CDH18: variants seen among roughly 807,000 people sequenced by gnomAD.
CDH18 encodes cadherin 18.
In CDH18, 31 loss-of-function variants were observed where a neutral mutation model predicts 67.9. That is an observed-to-expected ratio of 0.46 (90% CI 0.34 to 0.62). The LOEUF (loss-of-function observed/expected upper bound fraction) is 0.62, where lower values mean the gene tolerates loss of function less well. CDH18 is among the 20% of genes least tolerant of loss of function. The pLI, the probability that CDH18 is intolerant of heterozygous loss-of-function variation, is 0.01. For synonymous variants in CDH18, 362 were observed against 347.2 expected (o/e 1.04, Z -0.48); for missense variants, 890 against 975.5 (o/e 0.91, Z 1.17).
chr5:19,724,847 C>T (rs573141478), intron 4 of CDH18, among the ~76,000 whole-genome samples: 3 of 151,948 alleles, frequency 2.0e-5, no homozygotes, highest in Admixed American at 2.0e-4. Flanking sequence ...GTTCCCACCA[C>T]AAACTGTCCT....
intron 2 of CDH18, among the ~76,000 whole-genome samples, chr5:20,025,677 G>A (rs1426778431): frequency 6.6e-6 from 1 of 152,104 alleles, no homozygotes; most frequent in Non-Finnish European, 1.5e-5. Flanking sequence ...ATAACATCTG[G>A]CAAAAGCCCA....
At chr5:20,168,867 C>T (rs748598068) in intron 2 of CDH18, among the ~76,000 whole-genome samples, 16 of 152,104 alleles carry the variant, frequency 1.1e-4, no homozygotes, top group African/African-American at 2.4e-4. Context: ...GAGATGATTA[C>T]GGTAAATGAA....
chr5:20,341,215 A>G (rs893075914), intron 1 of CDH18, among the ~76,000 whole-genome samples: 2 of 152,118 alleles, frequency 1.3e-5, no homozygotes, highest in African/African-American at 4.8e-5. Context: ...GTTGATTAAC[A>G]TTTGAGTCAG....
At chr5:20,328,985 A>T (rs182259575) in intron 1 of CDH18, among the ~76,000 whole-genome samples, 3 of 152,190 alleles carry the variant, frequency 2.0e-5, no homozygotes, top group Admixed American at 6.5e-5. Context: ...CATCTCAGAA[A>T]TAAAACCCCC....
At chr5:20,427,979 C>A (rs1435792902) in intron 1 of CDH18, among the ~76,000 whole-genome samples, 3 of 150,886 alleles carry the variant, frequency 2.0e-5, no homozygotes, top group Non-Finnish European at 4.4e-5. Flanking sequence ...GCAGAACGTG[C>A]AGGTTTGTTA....
At chr5:19,785,683 T>A (rs1326830624) in intron 3 of CDH18, among the ~76,000 whole-genome samples, 1,654 of 17,462 alleles carry the variant, frequency 0.095, 47 homozygotes, top group Middle Eastern at 0.17. Context: ...AAAAAAAATA[T>A]ATATATATAT....
chr5:19,877,662 A>G (rs1787179906), intron 2 of CDH18, among the ~76,000 whole-genome samples: 1 of 152,164 alleles, frequency 6.6e-6, no homozygotes, highest in African/African-American at 2.4e-5. Flanking sequence ...GGAACATTAC[A>G]GCTTGGAAGT....
chr5:20,078,717 C>T (rs1337608645), intron 2 of CDH18, among the ~76,000 whole-genome samples: 1 of 151,738 alleles, frequency 6.6e-6, no homozygotes, highest in Admixed American at 6.6e-5. Flanking sequence ...ATTTTCCTGC[C>T]TCAGCCTCTC....
chr5:20,090,732 A>G (rs1390048187), intron 2 of CDH18, among the ~76,000 whole-genome samples: 3 of 151,910 alleles, frequency 2.0e-5, no homozygotes, highest in Admixed American at 6.6e-5. Context: ...AAAGAAAAGA[A>G]AAAAAAAGAA....
intron 5 of CDH18, among the ~76,000 whole-genome samples, chr5:19,629,179 G>A (rs567500839): frequency 2.0e-5 from 3 of 152,300 alleles, no homozygotes; most frequent in African/African-American, 7.2e-5. Flanking sequence ...AGTAGAGGAT[G>A]AGGAAAAGGG....
At chr5:20,257,435 A>C (rs556884263) in intron 1 of CDH18, among the ~76,000 whole-genome samples, 1 of 151,604 alleles carries the variant, frequency 6.6e-6, no homozygotes, top group Non-Finnish European at 1.5e-5. Context: ...GCTCTTTGGA[A>C]ATAAGGCAAA....
intron 2 of CDH18, among the ~76,000 whole-genome samples, chr5:20,094,029 A>T (rs1216642125): frequency 6.6e-6 from 1 of 152,314 alleles, no homozygotes; most frequent in South Asian, 2.1e-4. Flanking sequence ...CAAGAAAACA[A>T]AAATTCAGGA....
At chr5:20,085,341 G>A (rs564096993) in intron 2 of CDH18, among the ~76,000 whole-genome samples, 1 of 152,154 alleles carries the variant, frequency 6.6e-6, no homozygotes, top group East Asian at 1.9e-4. Flanking sequence ...CCTCAGCCTG[G>A]ACCTTATTGT....
chr5:19,938,993 C>T (rs1488454361), intron 2 of CDH18, among the ~76,000 whole-genome samples: 3 of 150,650 alleles, frequency 2.0e-5, no homozygotes, highest in Non-Finnish European at 4.5e-5. Context: ...TTAATTTAAA[C>T]TTCTAAGAAG....
intron 5 of CDH18, among the ~76,000 whole-genome samples, chr5:19,703,353 T>A (rs1168818057): frequency 6.6e-6 from 1 of 152,080 alleles, no homozygotes; most frequent in African/African-American, 2.4e-5. Flanking sequence ...AATGTGCAAG[T>A]GTGGGCTCTG....
At chr5:20,316,491 T>C (rs979961137) in intron 1 of CDH18, among the ~76,000 whole-genome samples, 4 of 152,090 alleles carry the variant, frequency 2.6e-5, no homozygotes, top group African/African-American at 9.7e-5. Context: ...ATACACATAA[T>C]TATTTAAACT....
At chr5:20,113,007 T>TA (rs1024966432) in intron 2 of CDH18, among the ~76,000 whole-genome samples, 1 of 152,220 alleles carries the variant, frequency 6.6e-6, no homozygotes, top group African/African-American at 2.4e-5. Flanking sequence ...TGCTTTGGCT[T>TA]AAATCAGACA....
chr5:20,021,243 T>C (rs765588717), intron 2 of CDH18, among the ~76,000 whole-genome samples: 2 of 152,094 alleles, frequency 1.3e-5, no homozygotes, highest in Non-Finnish European at 2.9e-5. Context: ...TACTGTCTCA[T>C]AGGTGTAAGG....
intron 2 of CDH18, among the ~76,000 whole-genome samples, chr5:20,143,261 G>C (rs1750384182): frequency 6.6e-6 from 1 of 152,134 alleles, no homozygotes; most frequent in Non-Finnish European, 1.5e-5. Context: ...GAAACTGAAG[G>C]AAAGGTGAAC....
Sources: allele counts gnomAD v4.1 joint callset (sites outside exome capture counted in the v4.1 genomes callset), GRCh38; gene constraint gnomAD v4.1.1; transcripts MANE v1.5; gene names NCBI Gene and HGNC (gene_info 2026-07-23, HGNC 2026-07-21).